ARHGAP24: variants seen among roughly 807,000 people sequenced by gnomAD.
The protein encoded by ARHGAP24 is Rho GTPase activating protein 24.
A neutral mutation model predicts 76.4 loss-of-function variants in ARHGAP24; 50 were observed. The observed-to-expected ratio is 0.65, with a 90% CI of 0.52 to 0.83. ARHGAP24 has a LOEUF of 0.83. Among genes scored for constraint, ARHGAP24 ranks in the 40% least tolerant of loss-of-function variants. The pLI, the probability that ARHGAP24 is intolerant of heterozygous loss-of-function variation, is 0.00. For missense variants in ARHGAP24, 930 were observed against 914.2 expected, an observed-to-expected ratio of 1.02 and a Z score of -0.22; for synonymous variants, 345 against 323.3, an observed-to-expected ratio of 1.07 and a Z score of -0.72.
rs749981134 is a variant in ARHGAP24 at position 85,995,276 on chromosome 4, T to C, written c.1622T>C (p.Met541Thr). The change falls in exon 9 of 10, where the codon ATG (methionine) becomes ACG (threonine). Residue 541 changes from methionine to threonine, a missense_variant. Transcript: ENST00000395184. ...GATAATGTCCATCAACAGTTCTCCA[T>C]GATGAACCTTGATGACAAGCAGAGC... ...TYDNVHQQFS[M>T]MNLDDKQSID... 1 of 1,614,002 alleles carries C rather than the reference T, an allele frequency of 6.2e-7. No individual in the cohort carries two copies. The highest frequency in any genetic ancestry group is 8.5e-7 in the Non-Finnish European group (1 of 1,180,018).
chr4:85,577,446 A>G (rs1039251260), intron 2 of ARHGAP24, among the ~76,000 whole-genome samples: 1 of 152,132 alleles, frequency 6.6e-6, no homozygotes, highest in African/African-American at 2.4e-5. Flanking sequence ...GATCAGATGG[A>G]CCAGACATGG....
Position 85,859,931 on chromosome 4 carries a change from TA to T in ARHGAP24, c.269-63707del, listed in dbSNP as rs112844840. 5.3e-4 allele frequency among the ~76,000 whole-genome samples: 80 copies of T among 149,952 alleles called. No individual in the cohort carries two copies. The East Asian group carries it at 0.013, about 24-fold the overall frequency. On this transcript the variant is annotated intron_variant, in intron 3 of 9. Coordinates refer to ENST00000395184, the MANE Select transcript of ARHGAP24 (RefSeq NM_001025616.3). ...TAACCCAAGCTTTAGAGCTTACAATTAAAAAAAAAATTCAAGCATTTTTCCT... is the reference window on the plus strand; with the variant it reads ...TAACCCAAGCTTTAGAGCTTACAATTAAAAAAAAATTCAAGCATTTTTCCT...
At chr4:85,945,490 GGGGT>G (rs967770195) in intron 5 of ARHGAP24, among the ~76,000 whole-genome samples, 1 of 152,072 alleles carries the variant, frequency 6.6e-6, no homozygotes, top group African/African-American at 2.4e-5. Context: ...AGGCCTGAGC[GGGGT>G]GGCTCATGCC....
chr4:85,935,284 G>A (rs1736567745), intron 4 of ARHGAP24, among the ~76,000 whole-genome samples: 2 of 152,146 alleles, frequency 1.3e-5, no homozygotes, highest in Admixed American at 1.3e-4. Context: ...AAACAAACAG[G>A]TTGTCTCAAA....
intron 3 of ARHGAP24, among the ~76,000 whole-genome samples, chr4:85,921,149 C>A (rs1735700473): frequency 1.3e-5 from 2 of 152,088 alleles, no homozygotes; most frequent in Admixed American, 1.3e-4. Context: ...AAATGACAGA[C>A]TGGATAAAGA....
intron 2 of ARHGAP24, among the ~76,000 whole-genome samples, chr4:85,657,662 G>A (rs551256637): frequency 3.3e-5 from 5 of 152,284 alleles, no homozygotes; most frequent in Admixed American, 6.5e-5. Flanking sequence ...ACTTTTGCAA[G>A]GGAATAACAT....
intron 8 of ARHGAP24, among the ~76,000 whole-genome samples, chr4:85,982,809 C>T (rs1739748626): frequency 6.6e-6 from 1 of 151,994 alleles, no homozygotes; most frequent in South Asian, 2.1e-4. Context: ...ACAGGATTTG[C>T]AGGTTTGTTA....
At chr4:85,574,771 T>C (rs894808489) in intron 2 of ARHGAP24, among the ~76,000 whole-genome samples, 10 of 152,214 alleles carry the variant, frequency 6.6e-5, no homozygotes, top group African/African-American at 2.4e-4. Context: ...CTGTCTTCAA[T>C]TTTTATTGCT....
At chr4:85,822,094 C>T (rs1025509213) in intron 3 of ARHGAP24, among the ~76,000 whole-genome samples, 1 of 152,022 alleles carries the variant, frequency 6.6e-6, no homozygotes, top group Non-Finnish European at 1.5e-5. Flanking sequence ...TGAAATGTAG[C>T]CTTGGTCAGC....
intron 3 of ARHGAP24, among the ~76,000 whole-genome samples, chr4:85,822,787 T>C (rs963688029): frequency 6.6e-6 from 1 of 152,348 alleles, no homozygotes; most frequent in African/African-American, 2.4e-5. Context: ...TGAATTTATA[T>C]GCACTTGCTC....
chr4:85,649,971 G>C (rs1450166167), intron 2 of ARHGAP24, among the ~76,000 whole-genome samples: 1 of 152,000 alleles, frequency 6.6e-6, no homozygotes, highest in Non-Finnish European at 1.5e-5. Context: ...AGGTCATACG[G>C]GTAGCAATGG....
rs1730261914 is a variant in ARHGAP24 at position 85,835,886 on chromosome 4, AT to A, written c.269-87761del. ...GTTTTAGTGGAGACAGGGTTTCACC[AT>A]GTTGGCCAGACTGGTCTGGAACACC... On this transcript the variant is annotated intron_variant, in intron 3 of 9. Transcript: ENST00000395184. Among the ~76,000 whole-genome samples the A allele has an allele frequency of 5.3e-5, 8 of 152,182 alleles. No homozygotes were observed. In the South Asian group the frequency reaches 1.7e-3, roughly 32 times the overall value.
chr4:85,498,575 G>T (rs1011988475), intron 1 of ARHGAP24, among the ~76,000 whole-genome samples: 1 of 151,024 alleles, frequency 6.6e-6, no homozygotes, highest in African/African-American at 2.4e-5. Context: ...TAGATGTCTT[G>T]GCCACAAGGA....
At chr4:85,749,567 G>A (rs1181754224) in intron 3 of ARHGAP24, among the ~76,000 whole-genome samples, 2 of 152,026 alleles carry the variant, frequency 1.3e-5, no homozygotes, top group Admixed American at 6.6e-5. Context: ...TGTTATTGTT[G>A]TTGTTGTTTG....
At position 86,000,692 on chromosome 4, in the gene ARHGAP24, C is replaced by T. The variant is rs562074196; in HGVS notation, c.2217C>T (p.Thr739=). ...AACTGACAGTGGAACCCAGGAGAAC[C>T]GAGAGAGGAAACACAATATGGATTC... The part of the protein sequence containing the change: ...FGELTVEPRR[T]ERGNTIWIQ Residue 739 remains threonine, a synonymous_variant, in exon 10 of 10, where the codon ACC becomes ACT. Transcript: ENST00000395184. 16 of 1,613,838 alleles carry T rather than the reference C, an allele frequency of 9.9e-6. No individual in the cohort carries two copies. In the East Asian group the frequency reaches 2.0e-4, roughly 20 times the overall value.
chr4:85,958,682 A>C (rs1289150773), intron 5 of ARHGAP24, among the ~76,000 whole-genome samples: 1 of 152,242 alleles, frequency 6.6e-6, no homozygotes, highest in African/African-American at 2.4e-5. Context: ...CATGTTTTAC[A>C]TTTCATAATT....
intron 2 of ARHGAP24, among the ~76,000 whole-genome samples, chr4:85,674,073 C>G (rs1722895784): frequency 6.6e-6 from 1 of 152,134 alleles, no homozygotes; most frequent in African/African-American, 2.4e-5. Flanking sequence ...GCATCTGGGA[C>G]TAAACCCCAG....
rs11947421 is a variant in ARHGAP24 at position 85,818,052 on chromosome 4, G to A, written c.268+96080G>A. 9.5e-3 allele frequency among the ~76,000 whole-genome samples: 1,444 copies of A among 152,300 alleles called. 27 individuals are homozygous for A. The highest frequency in any genetic ancestry group is 0.033 in the African/African-American group (1,352 of 41,566). On this transcript the variant is annotated intron_variant, in intron 3 of 9. Coordinates refer to ENST00000395184, the MANE Select transcript of ARHGAP24 (RefSeq NM_001025616.3). ...GAGCTTGGCACATAGAAAATATGCA[G>A]ATGGTTTAAATGACATTATATCAAG...
intron 3 of ARHGAP24, among the ~76,000 whole-genome samples, chr4:85,845,729 C>A (rs2110154551): frequency 6.6e-6 from 1 of 152,154 alleles, no homozygotes; most frequent in East Asian, 1.9e-4. Context: ...AAACTCCCAC[C>A]TATGTTAATA....
Sources: allele counts gnomAD v4.1 joint callset (sites outside exome capture counted in the v4.1 genomes callset), GRCh38; gene constraint gnomAD v4.1.1; transcripts MANE v1.5; gene names NCBI Gene and HGNC (gene_info 2026-07-23, HGNC 2026-07-21).